GRIA4: variants seen among roughly 807,000 people sequenced by gnomAD.
The protein encoded by GRIA4 is glutamate receptor 4.
GRIA4 carries 34 observed loss-of-function variants against 104.0 expected under a neutral mutation model. The ratio of observed to expected loss-of-function variants is 0.33; its 90% CI spans 0.25 to 0.44. The LOEUF is 0.44. Among genes scored for constraint, GRIA4 ranks in the 20% least tolerant of loss-of-function variants. The pLI, the probability that GRIA4 is intolerant of heterozygous loss-of-function variation, is 1.00. For missense variants in GRIA4, 750 were observed against 1,096.5 expected, an observed-to-expected ratio of 0.68 and a Z score of 4.46; for synonymous variants, 386 against 381.9, an observed-to-expected ratio of 1.01 and a Z score of -0.13.
intron 4 of GRIA4, among the ~76,000 whole-genome samples, chr11:105,778,507 C>T (rs993013860): frequency 6.6e-6 from 1 of 152,172 alleles, no homozygotes; most frequent in Non-Finnish European, 1.5e-5. Context: ...GAGTTTGAGA[C>T]CAGCCTGACC....
At chr11:105,889,223 T>C (rs1037955691) in intron 6 of GRIA4, among the ~76,000 whole-genome samples, 5 of 152,200 alleles carry the variant, frequency 3.3e-5, no homozygotes, top group African/African-American at 1.2e-4. Flanking sequence ...CTACAAAGGA[T>C]ATCGTAAACA....
chr11:105,718,356 C>T (rs1954172335), intron 3 of GRIA4, among the ~76,000 whole-genome samples: 1 of 152,116 alleles, frequency 6.6e-6, no homozygotes, highest in African/African-American at 2.4e-5. Context: ...ATGACTGATG[C>T]CTGTAATGGA....
intron 3 of GRIA4, among the ~76,000 whole-genome samples, chr11:105,679,158 G>A (rs1952633033): frequency 6.6e-6 from 1 of 152,110 alleles, no homozygotes; most frequent in Non-Finnish European, 1.5e-5. Flanking sequence ...CAAGTCCAAA[G>A]GTAGTCTTCT....
intron 7 of GRIA4, among the ~76,000 whole-genome samples, chr11:105,903,476 A>T (rs1271272293): frequency 6.6e-6 from 1 of 152,254 alleles, no homozygotes; most frequent in African/African-American, 2.4e-5. Context: ...AAGCTGCATT[A>T]GCCTTTGATA....
chr11:105,709,188 T>C (rs1415676007), intron 3 of GRIA4, among the ~76,000 whole-genome samples: 1 of 152,012 alleles, frequency 6.6e-6, no homozygotes, highest in Non-Finnish European at 1.5e-5. Flanking sequence ...TGGGACACCG[T>C]GAGTAAAAAA....
In GRIA4 at chr11:105,924,522, C is replaced by G. The variant is rs1160453387; in HGVS notation, c.1600C>G (p.Pro534Ala). 1.2e-6 allele frequency: 2 copies of G among 1,613,286 alleles called. No individual in the cohort carries two copies. Among genetic ancestry groups the G allele is most frequent in the Admixed American group, 1.7e-5 (1 of 59,950 alleles). The change falls in exon 12 of 17, where the codon CCA (proline) becomes GCA (alanine). Residue 534 changes from proline to alanine, a missense_variant. This residue lies in a region of GRIA4 where 272 missense variants were observed against 524.5 expected (regional missense o/e 0.52). Transcript: ENST00000282499. ...IMIKKPQKSKPGVFSFLDPLA... is the reference protein window; with the variant it reads ...IMIKKPQKSKAGVFSFLDPLA... ...GATCAAAAAGCCTCAGAAATCCAAA[C>G]CAGGAGTGTTTTCCTTCTTGGATCC...
intron 3 of GRIA4, among the ~76,000 whole-genome samples, chr11:105,751,679 A>C (rs939570282): frequency 1.3e-5 from 2 of 152,192 alleles, no homozygotes; most frequent in African/African-American, 2.4e-5. Flanking sequence ...CTTGGTTTTG[A>C]ATCAACTGTA....
chr11:105,777,805 T>G (rs1306629200), intron 4 of GRIA4, among the ~76,000 whole-genome samples: 2 of 152,158 alleles, frequency 1.3e-5, no homozygotes, highest in African/African-American at 4.8e-5. Context: ...AAAAATCACT[T>G]TTTATAATTA....
intron 3 of GRIA4, among the ~76,000 whole-genome samples, chr11:105,646,672 A>G (rs1951538723): frequency 6.6e-6 from 1 of 152,240 alleles, no homozygotes; most frequent in African/African-American, 2.4e-5. Context: ...GACAAAGCTG[A>G]CAAATATAAG....
intron 4 of GRIA4, among the ~76,000 whole-genome samples, chr11:105,857,439 C>T (rs1286941966): frequency 6.6e-6 from 1 of 152,124 alleles, no homozygotes; most frequent in African/African-American, 2.4e-5. Context: ...CTACAAGCTG[C>T]TGCTATGCCC....
intron 3 of GRIA4, among the ~76,000 whole-genome samples, chr11:105,637,675 T>C (rs187911012): frequency 6.8e-4 from 103 of 152,304 alleles, no homozygotes; most frequent in Non-Finnish European, 8.7e-4. Context: ...GAGTGTCTCC[T>C]GCATGTTTCA....
intron 4 of GRIA4, among the ~76,000 whole-genome samples, chr11:105,791,694 C>A (rs1475355213): frequency 1.3e-5 from 2 of 151,616 alleles, no homozygotes; most frequent in Admixed American, 1.3e-4. Context: ...AAAGGAATGA[C>A]CTAGCTCAAC....
At chr11:105,759,493 T>C (rs1217431913) in intron 4 of GRIA4, among the ~76,000 whole-genome samples, 2 of 152,170 alleles carry the variant, frequency 1.3e-5, no homozygotes, top group East Asian at 3.9e-4. Context: ...ATATGTCACA[T>C]TCTTAATTAG....
intron 3 of GRIA4, among the ~76,000 whole-genome samples, chr11:105,742,526 C>T (rs1939373149): frequency 6.6e-6 from 1 of 151,844 alleles, no homozygotes; most frequent in Non-Finnish European, 1.5e-5. Flanking sequence ...TCAAATTTCT[C>T]CTATCAAACA....
chr11:105,807,815 T>G (rs1241084596), intron 4 of GRIA4, among the ~76,000 whole-genome samples: 1 of 151,920 alleles, frequency 6.6e-6, no homozygotes, highest in East Asian at 1.9e-4. Context: ...ATATTTTATC[T>G]TCTACTCTAA....
Position 105,691,064 on chromosome 11 carries a change from G to T in GRIA4, c.248-61917G>T, listed in dbSNP as rs545181697. Among the ~76,000 whole-genome samples the T allele has an allele frequency of 1.3e-4, 20 of 152,118 alleles. No homozygotes were observed. The South Asian group carries it at 1.9e-3, about 14-fold the overall frequency. ...TTAGAACTGGCCTTTTGAGACAGGG[G>T]GTGTGTGTGTGGGCTTGTGTGCGTG... On this transcript the variant is annotated intron_variant, in intron 3 of 16. Transcript: ENST00000282499.
At chr11:105,708,706 T>A (rs1376064275) in intron 3 of GRIA4, among the ~76,000 whole-genome samples, 1 of 151,964 alleles carries the variant, frequency 6.6e-6, no homozygotes, top group Non-Finnish European at 1.5e-5. Flanking sequence ...AGTAAAAATA[T>A]TATGGATGAT....
intron 3 of GRIA4, among the ~76,000 whole-genome samples, chr11:105,665,304 A>G (rs1469382745): frequency 6.6e-6 from 1 of 151,990 alleles, no homozygotes; most frequent in East Asian, 1.9e-4. Flanking sequence ...ACTTAAGACA[A>G]TTACCTTATG....
chr11:105,735,728 G>A (rs1298737462), intron 3 of GRIA4, among the ~76,000 whole-genome samples: 1 of 152,054 alleles, frequency 6.6e-6, no homozygotes, highest in Non-Finnish European at 1.5e-5. Flanking sequence ...CTGTAAAAGG[G>A]AAGAATCCAT....
Sources: allele counts gnomAD v4.1 joint callset (sites outside exome capture counted in the v4.1 genomes callset), GRCh38; gene constraint gnomAD v4.1.1; regional missense constraint gnomAD v4.1.1; transcripts MANE v1.5; gene names NCBI Gene and HGNC (gene_info 2026-07-23, HGNC 2026-07-21).